Variants in MACROD2 observed in about 807,000 individuals in gnomAD.
MACROD2 encodes the protein mono-ADP ribosylhydrolase 2, also known as ADP-ribose glycohydrolase MACROD2.
MACROD2 carries 36 observed loss-of-function variants against 70.4 expected under a neutral mutation model. The ratio of observed to expected loss-of-function variants is 0.51; its 90% CI spans 0.39 to 0.68. MACROD2 has a LOEUF of 0.68. MACROD2 is among the 30% of genes least tolerant of loss of function. The probability of loss-of-function intolerance (pLI) is 0.00; values close to 1 mark genes in which losing one functional copy is unlikely to be tolerated. For missense variants in MACROD2, 496 were observed against 538.4 expected (o/e 0.92, Z 0.78); for synonymous variants, 172 against 178.8 (o/e 0.96, Z 0.30).
intron 5 of MACROD2, among the ~76,000 whole-genome samples, chr20:14,986,005 G>C (rs2074845559): frequency 6.6e-6 from 1 of 152,018 alleles, no homozygotes; most frequent in African/African-American, 2.4e-5. Context: ...ACACCCCATG[G>C]CCTTTGATTT....
intron 4 of MACROD2, among the ~76,000 whole-genome samples, chr20:14,525,325 T>G (rs765345645): frequency 6.6e-6 from 1 of 152,240 alleles, no homozygotes; most frequent in Non-Finnish European, 1.5e-5. Flanking sequence ...TTGAATACAT[T>G]CAATTCCAAG....
chr20:15,034,599 T>C (rs558031803), intron 5 of MACROD2, among the ~76,000 whole-genome samples: 1 of 152,046 alleles, frequency 6.6e-6, no homozygotes, highest in Non-Finnish European at 1.5e-5. Flanking sequence ...CTCAAATGGA[T>C]GTAAATTGTG....
chr20:14,882,597 A>G (rs1034655786), intron 5 of MACROD2, among the ~76,000 whole-genome samples: 9 of 152,320 alleles, frequency 5.9e-5, no homozygotes, highest in African/African-American at 2.2e-4. Context: ...GCTCCTTCCA[A>G]TAAAATGCTA....
At chr20:15,679,995 T>G (rs1260198332) in intron 8 of MACROD2, among the ~76,000 whole-genome samples, 1 of 152,216 alleles carries the variant, frequency 6.6e-6, no homozygotes, top group East Asian at 1.9e-4. Flanking sequence ...ACTTAACCTA[T>G]GATGTTTTAT....
rs532940085 is a variant in MACROD2, at chr20:15,230,386, A to C, written c.540+325A>C. 2.0e-5 allele frequency among the ~76,000 whole-genome samples: 3 copies of C among 152,312 alleles called. No homozygotes were observed. The South Asian group carries it at 6.2e-4, about 32-fold the overall frequency. On this transcript the variant is annotated intron_variant, in intron 6 of 17. Coordinates refer to ENST00000684519, the MANE Select transcript of MACROD2 (RefSeq NM_001351661.2). Reference sequence around the variant, plus strand: ...GTGGCCAGCAGATTTAAAGAAGGAAAATAGCAAGTGCTGAGTTTGTTATGA... The same window carrying C: ...GTGGCCAGCAGATTTAAAGAAGGAACATAGCAAGTGCTGAGTTTGTTATGA...
intron 3 of MACROD2, among the ~76,000 whole-genome samples, chr20:14,124,508 G>A (rs1354054579): frequency 6.6e-6 from 1 of 152,092 alleles, no homozygotes; most frequent in East Asian, 1.9e-4. Flanking sequence ...ACAGAACTTG[G>A]TACAATTGTT....
chr20:16,038,348 T>C (rs557990924), intron 15 of MACROD2, among the ~76,000 whole-genome samples: 16 of 152,052 alleles, frequency 1.1e-4, no homozygotes, highest in Admixed American at 9.8e-4. Context: ...AATATTCCTT[T>C]TGCTCTATTT....
At chr20:15,514,326 T>G (rs1600518799) in intron 8 of MACROD2, among the ~76,000 whole-genome samples, 2 of 152,178 alleles carry the variant, frequency 1.3e-5, no homozygotes, top group South Asian at 4.2e-4. Context: ...TCCTGCAAGC[T>G]CCATTCATGG....
At chr20:14,252,920 T>C (rs1370558154) in intron 3 of MACROD2, among the ~76,000 whole-genome samples, 3 of 152,058 alleles carry the variant, frequency 2.0e-5, no homozygotes, top group East Asian at 1.9e-4. Flanking sequence ...TTAATTTTAT[T>C]CTCCCTTGTC....
chr20:15,872,802 A>G (rs1238135783), intron 9 of MACROD2, among the ~76,000 whole-genome samples: 4 of 152,326 alleles, frequency 2.6e-5, no homozygotes, highest in South Asian at 2.1e-4. Context: ...TTTCTGTCCT[A>G]TAATCTGGAG....
chr20:15,133,139 G>A (rs2076118912), intron 5 of MACROD2, among the ~76,000 whole-genome samples: 1 of 151,946 alleles, frequency 6.6e-6, no homozygotes, highest in African/African-American at 2.4e-5. Context: ...TCTTGGCAGA[G>A]GGAAGTGCTA....
At chr20:15,144,035 G>C (rs2076212425) in intron 5 of MACROD2, among the ~76,000 whole-genome samples, 1 of 151,834 alleles carries the variant, frequency 6.6e-6, no homozygotes, top group Admixed American at 6.6e-5. Context: ...AAGCCATCCT[G>C]GGCCTCATGT....
At chr20:15,378,903 A>G (rs931045409) in intron 6 of MACROD2, among the ~76,000 whole-genome samples, 1 of 152,192 alleles carries the variant, frequency 6.6e-6, no homozygotes, top group Non-Finnish European at 1.5e-5. Context: ...AACTGCAAAG[A>G]TGACTGCATG....
intron 3 of MACROD2, among the ~76,000 whole-genome samples, chr20:14,374,998 A>T (rs187089072): frequency 3.9e-4 from 60 of 152,142 alleles, no homozygotes; most frequent in African/African-American, 1.2e-3. Flanking sequence ...TTATATCCAA[A>T]TACCTTTATT....
intron 13 of MACROD2, among the ~76,000 whole-genome samples, chr20:15,979,623 T>G (rs1163399323): frequency 6.6e-6 from 1 of 152,068 alleles, no homozygotes; most frequent in Non-Finnish European, 1.5e-5. Flanking sequence ...TTTTAAAAAA[T>G]TCCATAGTTA....
At chr20:15,811,408 G>C (rs903862438) in intron 8 of MACROD2, among the ~76,000 whole-genome samples, 5 of 152,086 alleles carry the variant, frequency 3.3e-5, no homozygotes, top group Non-Finnish European at 5.9e-5. Flanking sequence ...ACACCAGTTA[G>C]AATGGCAATC....
intron 8 of MACROD2, among the ~76,000 whole-genome samples, chr20:15,653,004 G>T (rs2049668820): frequency 6.6e-6 from 1 of 152,006 alleles, no homozygotes; most frequent in African/African-American, 2.4e-5. Flanking sequence ...TATAATGTTG[G>T]GCGAGGAATT....
At chr20:15,284,092 A>G (rs1186073549) in intron 6 of MACROD2, among the ~76,000 whole-genome samples, 1 of 151,926 alleles carries the variant, frequency 6.6e-6, no homozygotes, top group Non-Finnish European at 1.5e-5. Flanking sequence ...TTTCCTTGAT[A>G]TAATAAGTTA....
At chr20:14,923,622 C>G (rs1251175276) in intron 5 of MACROD2, among the ~76,000 whole-genome samples, 5 of 152,136 alleles carry the variant, frequency 3.3e-5, no homozygotes, top group Admixed American at 2.0e-4. Flanking sequence ...GTGCTACCTT[C>G]AAAATATCAT....
Sources: allele counts gnomAD v4.1 joint callset (sites outside exome capture counted in the v4.1 genomes callset), GRCh38; gene constraint gnomAD v4.1.1; transcripts MANE v1.5; gene names NCBI Gene and HGNC (gene_info 2026-07-23, HGNC 2026-07-21).